CRK: variants seen among roughly 807,000 people sequenced by gnomAD.
CRK encodes the protein adapter molecule crk.
CRK carries 4 observed loss-of-function variants against 29.8 expected under a neutral mutation model. The observed-to-expected ratio is 0.13, with a 90% confidence interval of 0.07 to 0.31. The LOEUF (loss-of-function observed/expected upper bound fraction) is 0.31. Among genes scored for constraint, CRK ranks in the 10% least tolerant of loss-of-function variants. CRK has a pLI of 1.00. For synonymous variants in CRK, 153 were observed against 164.9 expected (o/e 0.93, Z 0.55); for missense variants, 274 against 396.5 (o/e 0.69, Z 2.62).
chr17:1,430,874 TG>T (rs1423250022), intron 2 of CRK, among the ~76,000 whole-genome samples: 35 of 151,294 alleles, frequency 2.3e-4, no homozygotes, highest in Admixed American at 6.6e-4. Context: ...GAGACCATCC[TG>T]GCTAACACGG....
At chr17:1,449,470 C>A (rs1193105900) in intron 1 of CRK, among the ~76,000 whole-genome samples, 2 of 152,158 alleles carry the variant, frequency 1.3e-5, no homozygotes, top group African/African-American at 4.8e-5. Flanking sequence ...ATCATTCCAA[C>A]AACCCTATGA....
chr17:1,450,026 C>A (rs1568022245), intron 1 of CRK, among the ~76,000 whole-genome samples: 1 of 151,904 alleles, frequency 6.6e-6, no homozygotes, highest in African/African-American at 2.4e-5. Context: ...TGGTGAAACC[C>A]CCATCTCTAC....
At chr17:1,446,042 C>T (rs575427971) in intron 1 of CRK, among the ~76,000 whole-genome samples, 2 of 152,290 alleles carry the variant, frequency 1.3e-5, no homozygotes, top group South Asian at 4.1e-4. Context: ...GGATGACAGG[C>T]ATGAGCCACC....
intron 1 of CRK, among the ~76,000 whole-genome samples, chr17:1,443,625 T>G (rs2073951986): frequency 1.3e-5 from 2 of 151,402 alleles, no homozygotes; most frequent in African/African-American, 2.4e-5. Flanking sequence ...GGTTTCGATC[T>G]CCTGACCTCG....
At chr17:1,455,784 C>T in intron 1 of CRK, 93 bp downstream of exon 1, 1 of 1,383,188 alleles carries the variant, frequency 7.2e-7, no homozygotes, top group Non-Finnish European at 9.3e-7. Flanking sequence ...TGCCCACGAC[C>T]CCCGAGGGTC....
intron 1 of CRK, among the ~76,000 whole-genome samples, chr17:1,446,553 T>C (rs558303768): frequency 6.0e-5 from 9 of 150,280 alleles, no homozygotes; most frequent in African/African-American, 2.2e-4. Flanking sequence ...CTCTTCTTGG[T>C]CAAATGCCAC....
chr17:1,432,702 A>G (rs2073855577), intron 2 of CRK, among the ~76,000 whole-genome samples: 1 of 150,098 alleles, frequency 6.7e-6, no homozygotes, highest in South Asian at 2.1e-4. Flanking sequence ...GCATGAGCCC[A>G]GGAGGCGGAG....
intron 1 of CRK, among the ~76,000 whole-genome samples, chr17:1,451,975 C>T (rs1042325677): frequency 2.0e-5 from 3 of 151,998 alleles, no homozygotes; most frequent in African/African-American, 7.3e-5. Context: ...GGGGCAAGAG[C>T]GAAACTCCAT....
At chr17:1,442,447 A>T (rs567338687) in intron 1 of CRK, among the ~76,000 whole-genome samples, 1 of 151,744 alleles carries the variant, frequency 6.6e-6, no homozygotes, top group South Asian at 2.1e-4. Flanking sequence ...CCACTGCAGT[A>T]CTGAGATTGC....
intron 1 of CRK, among the ~76,000 whole-genome samples, chr17:1,451,952 T>C (rs2074021617): frequency 6.6e-6 from 1 of 152,108 alleles, no homozygotes; most frequent in Admixed American, 6.6e-5. Context: ...ACCACTGCAC[T>C]GTAGCAGCCC....
intron 2 of CRK, among the ~76,000 whole-genome samples, chr17:1,430,812 A>C (rs543009047): frequency 2.0e-5 from 3 of 151,416 alleles, no homozygotes; most frequent in Admixed American, 6.6e-5. Context: ...TCATGCCTGT[A>C]ATCCCAGCAC....
At chr17:1,447,566 C>T (rs1280167606) in intron 1 of CRK, among the ~76,000 whole-genome samples, 3 of 150,470 alleles carry the variant, frequency 2.0e-5, no homozygotes, top group East Asian at 3.9e-4. Context: ...TCTACAAGAG[C>T]GGGCCAGGCT....
At chr17:1,446,645 G>A (rs1280948300) in intron 1 of CRK, among the ~76,000 whole-genome samples, 4 of 140,148 alleles carry the variant, frequency 2.9e-5, no homozygotes, top group South Asian at 2.2e-4. Flanking sequence ...AGGCTGGACT[G>A]CAGTGGCGCC....
intron 1 of CRK, among the ~76,000 whole-genome samples, chr17:1,442,324 G>A (rs2073941544): frequency 6.6e-6 from 1 of 151,730 alleles, no homozygotes; most frequent in Non-Finnish European, 1.5e-5. Flanking sequence ...GCCAGTTTTT[G>A]TATTTTTTGT....
intron 1 of CRK, among the ~76,000 whole-genome samples, chr17:1,449,538 A>C (rs1460421689): frequency 6.6e-6 from 1 of 152,192 alleles, no homozygotes; most frequent in Non-Finnish European, 1.5e-5. Flanking sequence ...GGGAAAAGTT[A>C]AACAATTTGC....
intron 1 of CRK, among the ~76,000 whole-genome samples, chr17:1,442,769 G>A (rs2073945214): frequency 6.6e-6 from 1 of 151,470 alleles, no homozygotes; most frequent in Non-Finnish European, 1.5e-5. Flanking sequence ...ACCATGCCTG[G>A]CTAATTTTTG....
chr17:1,455,957 T>C lies in CRK; in HGVS notation c.161A>G (p.Asn54Ser). The change falls in exon 1 of 3, where the codon AAC becomes AGC. Residue 54 changes from asparagine to serine, a missense_variant. Physicochemically the swap from Asn to Ser is conservative, Grantham distance 46. Coordinates refer to ENST00000300574, the MANE Select transcript of CRK (RefSeq NM_016823.4). ...PGDYVLSVSE[N>S]SRVSHYIINS... ...GATGATGTAGTGGGAGACGCGCGAG[T>C]TCTCTGAGACGCTGAGCACATAGTC... 1 of 1,601,410 alleles carries C rather than the reference T, an allele frequency of 6.2e-7. No homozygotes were observed. The highest frequency in any genetic ancestry group is 8.5e-7 in the Non-Finnish European group (1 of 1,175,636).
intron 2 of CRK, among the ~76,000 whole-genome samples, chr17:1,435,885 A>G (rs113705919): frequency 1.4e-5 from 2 of 147,858 alleles, no homozygotes; most frequent in African/African-American, 5.3e-5. Context: ...GAGAGGGAGG[A>G]AGGAAGAAGA....
chr17:1,435,661 G>A (rs1461186056), intron 2 of CRK, among the ~76,000 whole-genome samples: 2 of 151,864 alleles, frequency 1.3e-5, no homozygotes, highest in African/African-American at 4.8e-5. Context: ...AGGACTGCAG[G>A]TGCATGCCAC....
Sources: allele counts gnomAD v4.1 joint callset (sites outside exome capture counted in the v4.1 genomes callset), GRCh38; gene constraint gnomAD v4.1.1; transcripts MANE v1.5; gene names NCBI Gene and HGNC (gene_info 2026-07-23, HGNC 2026-07-21).